HPGDS: variants seen among roughly 807,000 people sequenced by gnomAD.
The protein encoded by HPGDS is GST class-sigma.
A neutral mutation model predicts 23.1 loss-of-function variants in HPGDS; 26 were observed. That is an observed-to-expected ratio of 1.13 (90% CI 0.83 to 1.56). HPGDS has a LOEUF of 1.56. Ranked by LOEUF, HPGDS falls within the 40% of genes most tolerant of loss-of-function variation. The probability of loss-of-function intolerance (pLI) is 0.00; values close to 1 mark genes in which losing one functional copy is unlikely to be tolerated. For synonymous variants in HPGDS, 95 were observed against 77.9 expected (o/e 1.22, Z -1.16); for missense variants, 268 against 236.4 (o/e 1.13, Z -0.88).
Position 94,299,547 on chromosome 4 carries a change from C to T in HPGDS, c.533G>A (p.Arg178Gln), listed in dbSNP as rs751713752. 2.1e-5 allele frequency: 34 copies of T among 1,613,736 alleles called. No individual in the cohort carries two copies. Among genetic ancestry groups the T allele is most frequent in the South Asian group, 1.2e-4 (11 of 91,068 alleles). ...LDNHPRLVTL[R>Q]KKVQAIPAVA... Reference sequence around the variant, plus strand: ...GGCAGGAATGGCTTGGACTTTCTTCCGTAAAGTCACCAGCCTTGGATGGTT... The same window carrying T: ...GGCAGGAATGGCTTGGACTTTCTTCTGTAAAGTCACCAGCCTTGGATGGTT... Residue 178 changes from arginine (R) to glutamine (Q), a missense_variant, in exon 6 of 6, where the codon CGG (arginine) becomes CAG (glutamine). Arg to Gln is a conservative substitution (Grantham distance 43). Coordinates refer to ENST00000295256, the MANE Select transcript of HPGDS (RefSeq NM_014485.3).
chr4:94,302,207 G>C lies in HPGDS; in HGVS notation c.374C>G (p.Pro125Arg), dbSNP rs140541652. Residue 125 changes from proline to arginine, a missense_variant, in exon 5 of 6, where the codon CCT (proline) becomes CGT (arginine). Physicochemically the swap from Pro to Arg is moderately radical, Grantham distance 103. Transcript: ENST00000295256. ...MFNELLTYNAPHLMQDLDTYL... is the reference protein window; with the variant it reads ...MFNELLTYNARHLMQDLDTYL... ...TGTGTCCAAGTCTTGCATAAGATGA[G>C]GCGCATTATACGTGAGCAGCTCATT... The C allele has an allele frequency of 1.2e-5, 19 of 1,612,450 alleles. No individual in the cohort carries two copies. The African/African-American group carries it at 2.3e-4, about 19-fold the overall frequency.
intron 2 of HPGDS, among the ~76,000 whole-genome samples, chr4:94,321,089 T>C (rs1336615453): frequency 6.6e-6 from 1 of 152,176 alleles, no homozygotes; most frequent in African/African-American, 2.4e-5. Flanking sequence ...GTGGTATTAT[T>C]TCTGAGGCCT....
intron 3 of HPGDS, among the ~76,000 whole-genome samples, chr4:94,313,644 T>C (rs999468965): frequency 5.9e-5 from 9 of 152,164 alleles, no homozygotes; most frequent in Non-Finnish European, 1.2e-4. Flanking sequence ...AGGAGTATCT[T>C]TGTGGCGTTC....
intron 1 of HPGDS, among the ~76,000 whole-genome samples, chr4:94,340,488 G>A (rs184226658): frequency 0.038 from 4,879 of 130,060 alleles, 292 homozygotes; most frequent in African/African-American, 0.13. Context: ...ACAGGCACGC[G>A]CCACCACGCC....
chr4:94,311,396 A>C (rs887758930), intron 3 of HPGDS, among the ~76,000 whole-genome samples: 3 of 151,250 alleles, frequency 2.0e-5, no homozygotes, highest in Non-Finnish European at 4.4e-5. Context: ...TGAGATAATC[A>C]TGTGGTTTTT....
intron 1 of HPGDS, among the ~76,000 whole-genome samples, chr4:94,335,276 T>G (rs1437496426): frequency 6.6e-6 from 1 of 152,230 alleles, no homozygotes; most frequent in African/African-American, 2.4e-5. Context: ...TCCAGACCTC[T>G]GCAGAGATGG....
chr4:94,340,317 T>TCTTTTC (rs1560598066), intron 1 of HPGDS, among the ~76,000 whole-genome samples: 1 of 16,508 alleles, frequency 6.1e-5, no homozygotes, highest in East Asian at 1.4e-3. Context: ...TTCTCTTTTT[T>TCTTTTC]TTTTTTTTTT....
At chr4:94,321,173 G>A (rs1488315258) in intron 2 of HPGDS, among the ~76,000 whole-genome samples, 1 of 152,180 alleles carries the variant, frequency 6.6e-6, no homozygotes, top group Non-Finnish European at 1.5e-5. Flanking sequence ...TAGGCTTGTA[G>A]TATAGTTTGA....
At chr4:94,324,528 C>T (rs967419529) in intron 2 of HPGDS, among the ~76,000 whole-genome samples, 1 of 151,938 alleles carries the variant, frequency 6.6e-6, no homozygotes, top group Admixed American at 6.6e-5. Flanking sequence ...TCACTGATAC[C>T]CTTTCTTCCA....
chr4:94,320,370 T>C (rs1446470031), intron 2 of HPGDS, among the ~76,000 whole-genome samples: 2 of 152,160 alleles, frequency 1.3e-5, no homozygotes, highest in Middle Eastern at 6.3e-3. Flanking sequence ...TAGTTTACAG[T>C]CCCACCAACA....
rs1460886308 is a variant in HPGDS, at chr4:94,317,844, A to G, written c.226+29T>C. ...ATATCATGTATTTGTTTCAGTTATC[A>G]AAAATCTTAAGCACAATAAACATGT... On this transcript the variant is annotated intron_variant, in intron 3 of 5. Coordinates refer to ENST00000295256, the MANE Select transcript of HPGDS (RefSeq NM_014485.3). 7 of 1,351,842 alleles carry G rather than the reference A, an allele frequency of 5.2e-6. No individual in the cohort carries two copies. In the Admixed American group the frequency reaches 8.7e-5, roughly 17 times the overall value. 83.7% of individuals were successfully genotyped at this position (1,351,842 alleles called of 1,614,324 possible). A position where few individuals can be genotyped will look rare whatever the true frequency, so the allele number is the denominator to read the frequency against.
chr4:94,322,114 C>T (rs1236832317), intron 2 of HPGDS, among the ~76,000 whole-genome samples: 3 of 152,052 alleles, frequency 2.0e-5, no homozygotes, highest in African/African-American at 7.2e-5. Context: ...GGAATGAAGC[C>T]AGCTTGATCT....
rs752766379 is a variant in HPGDS at position 94,299,492 on chromosome 4, T to A, written c.588A>T (p.Gln196His). Residue 196 changes from glutamine (Q) to histidine (H), a missense_variant, in exon 6 of 6, where the codon CAA becomes CAT. By Grantham distance (24) the Gln-to-His change is conservative. Coordinates refer to ENST00000295256, the MANE Select transcript of HPGDS (RefSeq NM_014485.3). Reference sequence around the variant, plus strand: ...CAACATGGATCAGCTAGAGTTTGGTTTGGGGCCTTCGTTTTATCCAGTTAG... The same window carrying A: ...CAACATGGATCAGCTAGAGTTTGGTATGGGGCCTTCGTTTTATCCAGTTAG... ...AVANWIKRRPQTKL is the reference protein window; with the variant it reads ...AVANWIKRRPHTKL 2 of 1,611,112 alleles carry A rather than the reference T, an allele frequency of 1.2e-6. No homozygotes were observed. The highest frequency in any genetic ancestry group is 1.7e-6 in the Non-Finnish European group (2 of 1,178,250).
At position 94,315,882 on chromosome 4, in the gene HPGDS, G is replaced by T. The variant is rs1024563455; in HGVS notation, c.226+1991C>A. On this transcript the variant is annotated intron_variant, in intron 3 of 5. Transcript: ENST00000295256. ...AGGCTTCAGCTAAAAATTTATGGAGGTGACTCCTTATTCAATATTTTTAGT... is the reference window on the plus strand; with the variant it reads ...AGGCTTCAGCTAAAAATTTATGGAGTTGACTCCTTATTCAATATTTTTAGT... 1.1e-4 allele frequency among the ~76,000 whole-genome samples: 16 copies of T among 152,214 alleles called. No individual in the cohort carries two copies. In the South Asian group the frequency reaches 3.1e-3, roughly 30 times the overall value.
At chr4:94,320,710 G>A (rs990121994) in intron 2 of HPGDS, among the ~76,000 whole-genome samples, 13 of 152,140 alleles carry the variant, frequency 8.5e-5, no homozygotes, top group East Asian at 3.8e-4. Context: ...CATTCTGCAG[G>A]TTGCCTGTTC....
chr4:94,325,936 T>C (rs1183430263), intron 2 of HPGDS, among the ~76,000 whole-genome samples: 2 of 152,122 alleles, frequency 1.3e-5, no homozygotes, highest in African/African-American at 4.8e-5. Flanking sequence ...TCCTTCATTT[T>C]TGAAGGATAG....
At position 94,299,364 on chromosome 4, in the gene HPGDS, A is replaced by G; in HGVS notation, c.*116T>C. ...AAAATCAGAATATGGCTAAAGTGAA[A>G]ATCTTAGTGGAGCTGGGGAGGGAGC... On this transcript the variant is annotated 3_prime_UTR_variant, in exon 6 of 6. Transcript: ENST00000295256. 1.2e-6 allele frequency: 1 copy of G among 841,566 alleles called. No individual in the cohort carries two copies. The highest frequency in any genetic ancestry group is 1.8e-6 in the Non-Finnish European group (1 of 566,872). The allele number at this position is 841,566 out of a possible 1,614,324, so 52.1% of individuals were successfully genotyped here.
chr4:94,299,303 A>G lies in HPGDS; in HGVS notation c.*177T>C. The G allele has an allele frequency of 3.6e-6, 2 of 553,064 alleles. No homozygotes were observed. The highest frequency in any genetic ancestry group is 6.2e-6 in the Non-Finnish European group (2 of 322,802). The allele number at this position is 553,064 out of a possible 1,614,324, so 34.3% of individuals were successfully genotyped here. On this transcript the variant is annotated 3_prime_UTR_variant, in exon 6 of 6. Transcript: ENST00000295256. ...TGAGAAGCTATTCTGAAAGAAAAAG[A>G]TACTGAAGAAAGATTTGTTTTTATT...
intron 1 of HPGDS, among the ~76,000 whole-genome samples, chr4:94,337,789 GTGAT>G (rs1721055003): frequency 6.6e-6 from 1 of 152,180 alleles, no homozygotes; most frequent in African/African-American, 2.4e-5. Flanking sequence ...TGAAAACAAA[GTGAT>G]TGTTTTTTAT....
Sources: gnomAD v4.1 joint callset for allele counts (sites outside exome capture counted in the v4.1 genomes callset) on GRCh38, gnomAD v4.1.1 for gene constraint, MANE v1.5 for transcripts, NCBI Gene and HGNC (gene_info 2026-07-23, HGNC 2026-07-21) for gene names.